PUDP: variants seen among roughly 807,000 people sequenced by gnomAD.
PUDP encodes the protein pseudouridine-5'-phosphatase.
A neutral mutation model predicts 9.4 loss-of-function variants in PUDP; 8 were observed. The observed-to-expected ratio is 0.85, with a 90% CI of 0.50 to 1.53. The LOEUF is 1.53. PUDP is among the 40% of genes most tolerant of loss of function. PUDP has a pLI of 0.00. For synonymous variants in PUDP, 99 were observed against 80.7 expected (o/e 1.23, Z -1.22); for missense variants, 188 against 189.7 (o/e 0.99, Z 0.05).
intron 1 of PUDP, among the ~76,000 whole-genome samples, chrX:7,008,496 A>G (rs778615041): frequency 9.0e-6 from 1 of 110,935 alleles, no homozygotes; most frequent in African/African-American, 3.3e-5. Context: ...TTCTTTCTCT[A>G]TAGCCCAGGT....
Position 7,002,306 on chromosome X carries a change from T to A in PUDP, c.205-23963A>T, listed in dbSNP as rs765146499. Among the ~76,000 whole-genome samples the A allele has an allele frequency of 7.1e-5, 8 of 112,275 alleles. No individual in the cohort carries two copies. In the East Asian group the frequency reaches 2.3e-3, roughly 32 times the overall value. ...AGAAATATCAGCTGAGGTGCCCATA[T>A]CAGCTACCAAGGTAAATGTGGAGGC... On this transcript the variant is annotated intron_variant and NMD_transcript_variant, in intron 1 of 3. Transcript: ENST00000655425.
chrX:6,902,975 T>C (rs1602666274), intron 3 of PUDP, among the ~76,000 whole-genome samples: 2 of 111,642 alleles, frequency 1.8e-5, no homozygotes, highest in Non-Finnish European at 3.8e-5. Context: ...ATGTCAGTAA[T>C]AGCTGTCCCC....
chrX:6,802,726 A>T (rs1021694386), intron 3 of PUDP, among the ~76,000 whole-genome samples: 1 of 108,473 alleles, frequency 9.2e-6, no homozygotes, highest in Non-Finnish European at 1.9e-5. Flanking sequence ...TCTGCTAAAA[A>T]TACAAAAAAT....
At chrX:7,146,857 T>A (rs1053411250) in intron 1 of PUDP, among the ~76,000 whole-genome samples, 3 of 92,021 alleles carry the variant, frequency 3.3e-5, no homozygotes, top group Non-Finnish European at 4.3e-5. Flanking sequence ...TTTTTTTTTT[T>A]AATTAGTGAC....
intron 1 of PUDP, among the ~76,000 whole-genome samples, chrX:6,983,821 C>A: frequency 8.9e-6 from 1 of 112,320 alleles, no homozygotes; most frequent in Non-Finnish European, 1.9e-5. Context: ...AAGTAAATAA[C>A]TTTGTAACTT....
chrX:6,830,139 C>T (rs1017120639), intron 3 of PUDP, among the ~76,000 whole-genome samples: 2 of 109,878 alleles, frequency 1.8e-5, no homozygotes, highest in African/African-American at 6.6e-5. Flanking sequence ...TACCCGGTCT[C>T]TTGGCACAGA....
intron 3 of PUDP, among the ~76,000 whole-genome samples, chrX:6,734,348 G>A (rs747566425): frequency 7.1e-5 from 8 of 111,997 alleles, no homozygotes; most frequent in Non-Finnish European, 1.1e-4. Flanking sequence ...AATTTCAAAC[G>A]TCTTATCACC....
chrX:6,860,415 C>T (rs1926979763), intron 3 of PUDP, among the ~76,000 whole-genome samples: 1 of 110,560 alleles, frequency 9.0e-6, no homozygotes, highest in Non-Finnish European at 1.9e-5. Context: ...GCTAAGATTA[C>T]AAGCGTGAGC....
intron 3 of PUDP, among the ~76,000 whole-genome samples, chrX:6,928,551 GTATAA>G (rs2146767988): frequency 9.0e-6 from 1 of 111,626 alleles, no homozygotes; most frequent in Non-Finnish European, 1.9e-5. Flanking sequence ...CCAATATTGG[GTATAA>G]TATAAAATTA....
At position 7,095,585 on chromosome X, in the gene PUDP, G is replaced by A. The variant is rs770497024; in HGVS notation, c.280+10035C>T. On this transcript the variant is annotated intron_variant, in intron 2 of 3. Coordinates refer to ENST00000381077, the MANE Select transcript of PUDP (RefSeq NM_012080.5). Reference sequence around the variant, plus strand: ...TGGCATAGCCCCAGCACCGAGCTGTGAAATCTGGCTGAGGATAGGCCAGGA... The same window carrying A: ...TGGCATAGCCCCAGCACCGAGCTGTAAAATCTGGCTGAGGATAGGCCAGGA... 5.3e-5 allele frequency among the ~76,000 whole-genome samples: 6 copies of A among 112,298 alleles called. No individual in the cohort carries two copies. The South Asian group carries it at 2.2e-3, about 42-fold the overall frequency.
chrX:6,901,022 C>T (rs1040802607), intron 3 of PUDP, among the ~76,000 whole-genome samples: 10 of 110,986 alleles, frequency 9.0e-5, no homozygotes, highest in East Asian at 2.8e-4. Context: ...GTGATCCGCC[C>T]GCCTCGGCCT....
chrX:7,008,905 T>C lies in PUDP; in HGVS notation c.205-30562A>G, dbSNP rs1469918891. ...GGTTTACAATGTAGTCAAACACCAG[T>C]TAAGCAAAAATAAAATTTACTACTT... On this transcript the variant is annotated intron_variant and NMD_transcript_variant, in intron 1 of 3. Coordinates refer to the PUDP transcript ENST00000655425. 6.2e-5 allele frequency among the ~76,000 whole-genome samples: 7 copies of C among 112,313 alleles called. No individual in the cohort carries two copies. In the East Asian group the frequency reaches 1.9e-3, roughly 31 times the overall value.
intron 3 of PUDP, among the ~76,000 whole-genome samples, chrX:6,872,660 C>T (rs1257752310): frequency 9.9e-6 from 1 of 100,725 alleles, no homozygotes; most frequent in Admixed American, 1.1e-4. Flanking sequence ...GATTGCACCA[C>T]TGCACTGAGG....
chrX:7,107,621 G>A (rs1364513561), intron 1 of PUDP, among the ~76,000 whole-genome samples: 2 of 112,497 alleles, frequency 1.8e-5, no homozygotes, highest in Non-Finnish European at 3.8e-5. Flanking sequence ...GAGCTCAGTA[G>A]TTCAAGACCA....
At chrX:6,933,177 T>TCCCTGAC (rs765301261) in intron 3 of PUDP, among the ~76,000 whole-genome samples, 9 of 103,667 alleles carry the variant, frequency 8.7e-5, no homozygotes, top group Middle Eastern at 9.7e-3. Flanking sequence ...CTCAAGTGGG[T>TCCCTGAC]CCCTGACCCC....
At chrX:6,962,983 C>T (rs1373740483) in intron 3 of PUDP, among the ~76,000 whole-genome samples, 1 of 112,947 alleles carries the variant, frequency 8.9e-6, no homozygotes, top group East Asian at 2.8e-4. Context: ...GAGCTAGTGT[C>T]TTAGCACAGG....
chrX:6,978,973 G>A (rs780260677), intron 1 of PUDP, among the ~76,000 whole-genome samples: 69 of 112,148 alleles, frequency 6.2e-4, no homozygotes, highest in Non-Finnish European at 9.8e-4. Context: ...CACCATATAC[G>A]CAGAAATCAA....
chrX:6,761,083 G>T (rs1174630072), intron 3 of PUDP, among the ~76,000 whole-genome samples: 1 of 111,725 alleles, frequency 9.0e-6, no homozygotes, highest in Non-Finnish European at 1.9e-5. Flanking sequence ...CTCAAGATCA[G>T]GTTAGAGCCA....
At chrX:6,936,416 CT>C (rs1211746243) in intron 3 of PUDP, among the ~76,000 whole-genome samples, 3 of 75,927 alleles carry the variant, frequency 4.0e-5, no homozygotes, top group Non-Finnish European at 7.7e-5. Context: ...CAGAAAAAGC[CT>C]TTGACAAAAT....
Sources: gnomAD v4.1 joint callset for allele counts (sites outside exome capture counted in the v4.1 genomes callset) on GRCh38, gnomAD v4.1.1 for gene constraint, MANE v1.5 for transcripts, NCBI Gene and HGNC (gene_info 2026-07-23, HGNC 2026-07-21) for gene names.